The following EXOC6B variants were observed in gnomAD, a reference collection of about 807,000 sequenced individuals.
EXOC6B encodes exocyst complex component 6B.
In EXOC6B, 54 loss-of-function variants were observed where a neutral mutation model predicts 113.5. That is an observed-to-expected ratio of 0.48 (90% CI 0.38 to 0.60). The LOEUF (loss-of-function observed/expected upper bound fraction) is 0.60. Among genes scored for constraint, EXOC6B ranks in the 20% least tolerant of loss-of-function variants. The pLI is 0.00. For missense variants in EXOC6B, 797 were observed against 977.5 expected (o/e 0.82, Z 2.46); for synonymous variants, 357 against 339.0 (o/e 1.05, Z -0.58).
At chr2:72,685,590 G>A (rs1315844334) in intron 6 of EXOC6B, among the ~76,000 whole-genome samples, 1 of 152,036 alleles carries the variant, frequency 6.6e-6, no homozygotes, top group East Asian at 1.9e-4. Context: ...TCCCCTTTAG[G>A]GGAGTCTGCC....
intron 20 of EXOC6B, chr2:72,288,889 G>A: frequency 4.6e-6 from 1 of 219,670 alleles, no homozygotes; most frequent in Non-Finnish European, 9.2e-6. Flanking sequence ...TAAAATCATT[G>A]AAAATCACAG....
At chr2:72,586,719 G>A (rs1036561262) in intron 6 of EXOC6B, among the ~76,000 whole-genome samples, 2 of 151,792 alleles carry the variant, frequency 1.3e-5, no homozygotes, top group Non-Finnish European at 1.5e-5. Flanking sequence ...GCCACTGCAC[G>A]CTAGCCTGGC....
At chr2:72,823,891 T>A (rs527321301) in intron 1 of EXOC6B, among the ~76,000 whole-genome samples, 1 of 152,200 alleles carries the variant, frequency 6.6e-6, no homozygotes, top group Non-Finnish European at 1.5e-5. Flanking sequence ...GGTATTTACA[T>A]TATATTTGGT....
rs1449014348 is a variant in EXOC6B at position 72,758,094 on chromosome 2, T to C, written c.114-16625A>G. On this transcript the variant is annotated intron_variant, in intron 1 of 21. Transcript: ENST00000272427. The stretch of plus-strand genomic sequence containing the variant: ...GGGAGGATCACTTGAACCTTACAGG[T>C]CGAGGCTGCAGTGAGCCATGTTTGC... Among the ~76,000 whole-genome samples, 5 of 147,254 alleles carry C rather than the reference T, an allele frequency of 3.4e-5. No individual in the cohort carries two copies. The East Asian group carries it at 1.0e-3, about 29-fold the overall frequency.
At chr2:72,405,060 G>C (rs1693629243) in intron 18 of EXOC6B, among the ~76,000 whole-genome samples, 1 of 152,184 alleles carries the variant, frequency 6.6e-6, no homozygotes, top group Admixed American at 6.5e-5. Flanking sequence ...CGTGACAAAT[G>C]CACAAGCCTC....
At chr2:72,285,929 A>T (rs1685395088) in intron 20 of EXOC6B, among the ~76,000 whole-genome samples, 1 of 152,160 alleles carries the variant, frequency 6.6e-6, no homozygotes, top group African/African-American at 2.4e-5. Flanking sequence ...AAATTAAAAC[A>T]ATAATGAGAT....
At chr2:72,466,243 G>A (rs1253374062) in intron 17 of EXOC6B, among the ~76,000 whole-genome samples, 2 of 151,620 alleles carry the variant, frequency 1.3e-5, no homozygotes, top group Admixed American at 1.3e-4. Flanking sequence ...TACTCAGGAG[G>A]CTGAGGCAGG....
intron 16 of EXOC6B, among the ~76,000 whole-genome samples, chr2:72,482,245 G>GA (rs1013006439): frequency 1.3e-5 from 2 of 151,672 alleles, no homozygotes; most frequent in East Asian, 1.9e-4. Flanking sequence ...AAAAGAAGAG[G>GA]AAAAAAAGTG....
rs368842327 is a variant in EXOC6B, at chr2:72,796,065, C to T, written c.113+29733G>A. Among the ~76,000 whole-genome samples, 19 of 151,528 alleles carry T rather than the reference C, an allele frequency of 1.3e-4. No homozygotes were observed. The South Asian group carries it at 1.5e-3, about 12-fold the overall frequency. On this transcript the variant is annotated intron_variant, in intron 1 of 21. Coordinates refer to ENST00000272427, the MANE Select transcript of EXOC6B (RefSeq NM_015189.3). ...CTCGAACTCCTGACATCAGGTGATC[C>T]GCCCACCTTGGCCTCCCAAAGTGCT...
chr2:72,390,517 A>G (rs1692311974), intron 18 of EXOC6B, among the ~76,000 whole-genome samples: 1 of 152,228 alleles, frequency 6.6e-6, no homozygotes, highest in Admixed American at 6.5e-5. Flanking sequence ...GAATATCAGT[A>G]CTTTGTTAAA....
intron 8 of EXOC6B, among the ~76,000 whole-genome samples, chr2:72,552,492 A>AT: frequency 6.6e-6 from 1 of 152,260 alleles, no homozygotes; most frequent in Middle Eastern, 3.4e-3. Flanking sequence ...AATAGAAAAA[A>AT]GGGGGAGATG....
intron 11 of EXOC6B, among the ~76,000 whole-genome samples, chr2:72,511,231 A>G (rs1700877817): frequency 6.6e-6 from 1 of 152,070 alleles, no homozygotes; most frequent in Admixed American, 6.6e-5. Context: ...ATATTAACCA[A>G]TCTCCTAGAA....
rs550822155 is a variant in EXOC6B, at chr2:72,374,748, G to A, written c.2122+4981C>T. Among the ~76,000 whole-genome samples the A allele has an allele frequency of 1.9e-4, 29 of 150,860 alleles. No homozygotes were observed. In the South Asian group the frequency reaches 3.4e-3, roughly 18 times the overall value. ...AGACAGATATTCCATTTTTCATGAT[G>A]TGATTATTACACATTGCATGCCTGA... On this transcript the variant is annotated intron_variant, in intron 19 of 21. Transcript: ENST00000272427.
rs183938415 is a variant in EXOC6B at position 72,786,047 on chromosome 2, G to C, written c.113+39751C>G. Among the ~76,000 whole-genome samples, 232 of 152,248 alleles carry C rather than the reference G, an allele frequency of 1.5e-3. 1 individual carries two copies. Among genetic ancestry groups the C allele is most frequent in the African/African-American group, 5.4e-3 (225 of 41,562 alleles). Reference sequence around the variant, plus strand: ...GAGATCAGCCTGGGCAAGACAGCAAGACCTTGTCTTCACTAAAAATAAAAT... The same window carrying C: ...GAGATCAGCCTGGGCAAGACAGCAACACCTTGTCTTCACTAAAAATAAAAT... On this transcript the variant is annotated intron_variant, in intron 1 of 21. Coordinates refer to ENST00000272427, the MANE Select transcript of EXOC6B (RefSeq NM_015189.3).
intron 20 of EXOC6B, among the ~76,000 whole-genome samples, chr2:72,309,136 C>A (rs1032173719): frequency 6.6e-6 from 1 of 152,020 alleles, no homozygotes; most frequent in Admixed American, 6.5e-5. Context: ...CTGAAGTCTT[C>A]CTGCTTTCAT....
At chr2:72,352,321 G>GCACAGAACA (rs1689698531) in intron 19 of EXOC6B, among the ~76,000 whole-genome samples, 1 of 152,070 alleles carries the variant, frequency 6.6e-6, no homozygotes, top group Admixed American at 6.5e-5. Context: ...TCAACTACCA[G>GCACAGAACA]CACAGAACAT....
chr2:72,356,832 C>T (rs575631041), intron 19 of EXOC6B, among the ~76,000 whole-genome samples: 10 of 152,086 alleles, frequency 6.6e-5, no homozygotes, highest in Non-Finnish European at 1.5e-4. Context: ...AATATTATAT[C>T]GCTGCCCTTG....
chr2:72,661,287 C>T (rs1307833850), intron 6 of EXOC6B, among the ~76,000 whole-genome samples: 2 of 141,128 alleles, frequency 1.4e-5, no homozygotes, highest in African/African-American at 5.3e-5. Context: ...ATCAATGGCA[C>T]ATAAAGATTA....
intron 19 of EXOC6B, among the ~76,000 whole-genome samples, chr2:72,343,180 C>A (rs958991763): frequency 6.6e-6 from 1 of 152,150 alleles, no homozygotes; most frequent in Non-Finnish European, 1.5e-5. Flanking sequence ...AATCCCAGAA[C>A]TTTGGGAGGC....
Sources: allele counts gnomAD v4.1 joint callset (sites outside exome capture counted in the v4.1 genomes callset), GRCh38; gene constraint gnomAD v4.1.1; transcripts MANE v1.5; gene names NCBI Gene and HGNC (gene_info 2026-07-23, HGNC 2026-07-21).